The following AP2A2 variants were observed in gnomAD, a reference collection of about 807,000 sequenced individuals.
AP2A2 encodes adaptor related protein complex 2 subunit alpha 2, also known as AP-2 complex subunit alpha-2.
Under a neutral mutation model 104.2 loss-of-function variants are expected in AP2A2, and 32 were observed. That is an observed-to-expected ratio of 0.31 (90% CI 0.23 to 0.41). The LOEUF is 0.41. Among genes scored for constraint, AP2A2 ranks in the 10% least tolerant of loss-of-function variants. The pLI is 1.00. For missense variants in AP2A2, 912 were observed against 1,261.0 expected, an observed-to-expected ratio of 0.72 and a Z score of 4.19; for synonymous variants, 539 against 533.3, an observed-to-expected ratio of 1.01 and a Z score of -0.15.
At chr11:934,081 G>A (rs1853375006) in intron 1 of AP2A2, among the ~76,000 whole-genome samples, 1 of 151,930 alleles carries the variant, frequency 6.6e-6, no homozygotes, top group South Asian at 2.1e-4. Context: ...CTGAGGCCAG[G>A]GAAGTCCTGA....
intron 19 of AP2A2, 41 bp from the exon 20 acceptor site, chr11:1,009,287 C>G (rs754535367): frequency 8.1e-6 from 13 of 1,611,474 alleles, no homozygotes; most frequent in Non-Finnish European, 1.1e-5. Flanking sequence ...GTTTTGGTCT[C>G]TGGCCTGGCT....
chr11:937,138 G>A (rs1853484803), intron 1 of AP2A2, among the ~76,000 whole-genome samples: 1 of 152,056 alleles, frequency 6.6e-6, no homozygotes, highest in Admixed American at 6.6e-5. Context: ...TCCTGCCTCA[G>A]CCTCTGAAGT....
rs765834089 is a variant in AP2A2 at position 972,129 on chromosome 11, T to C, written c.347T>C (p.Ile116Thr). ...SELIRLINNA[I>T]KNDLASRNPT... ...CTGATCCGCCTGATCAACAACGCCA[T>C]CAAGAATGACCTGGCCAGCCGCAAC... Residue 116 changes from isoleucine (I) to threonine (T), a missense_variant, in exon 4 of 22, where the codon ATC becomes ACC. Transcript: ENST00000448903. 34 of 1,613,566 alleles carry C rather than the reference T, an allele frequency of 2.1e-5. No individual in the cohort carries two copies. The highest frequency in any genetic ancestry group is 2.7e-5 in the Non-Finnish European group (32 of 1,179,814).
intron 15 of AP2A2, 62 bp from the exon 16 acceptor site, chr11:1,003,660 C>T (rs1856102208): frequency 2.6e-6 from 3 of 1,163,040 alleles, no homozygotes; most frequent in Non-Finnish European, 3.6e-6. Context: ...TTTTCCAGAA[C>T]AAACCCTTGT....
intron 18 of AP2A2, 187 bp downstream of exon 18, chr11:1,008,322 C>T (rs928938331): frequency 2.3e-5 from 21 of 899,664 alleles, no homozygotes; most frequent in African/African-American, 2.1e-4. Context: ...CAAGGGGAGG[C>T]GGAGCCCTGG....
At chr11:1,009,072 CTCTT>C in intron 18 of AP2A2, 24 bp from the exon 19 acceptor site, 1 of 1,571,692 alleles carries the variant, frequency 6.4e-7, no homozygotes, top group Non-Finnish European at 8.7e-7. Flanking sequence ...AGCTGACTGT[CTCTT>C]TCTGCTGCTG....
chr11:992,720 G>A lies in AP2A2; in HGVS notation c.1452+35G>A, dbSNP rs958780890. On this transcript the variant is annotated intron_variant, in intron 11 of 21. Coordinates refer to ENST00000448903, the MANE Select transcript of AP2A2 (RefSeq NM_012305.4). This position sits in a 1 kb window ranked among gnomAD's most constrained non-coding sequence, Gnocchi z 6.4. The stretch of plus-strand genomic sequence containing the variant: ...GCAGGATGGCAGGAAGGATGGGGTG[G>A]AGGGCAGTTGCAGAAGGTGAGCAGT... 5 of 1,611,746 alleles carry A rather than the reference G, an allele frequency of 3.1e-6. 1 individual carries two copies. In the Admixed American group the frequency reaches 8.3e-5, roughly 27 times the overall value.
Position 972,103 on chromosome 11 carries a change from G to C in AP2A2, c.321G>C (p.Glu107Asp), listed in dbSNP as rs775058159. The C allele has an allele frequency of 1.2e-6, 2 of 1,613,828 alleles. No homozygotes were observed. Among genetic ancestry groups the C allele is most frequent in the Admixed American group, 1.7e-5 (1 of 59,988 alleles). Residue 107 changes from glutamate to aspartate, a missense_variant, in exon 4 of 22, where the codon GAG becomes GAC. Physicochemically the swap from Glu to Asp is conservative, Grantham distance 45. This residue lies in a region of AP2A2 where 350 missense variants were observed against 487.0 expected (regional missense o/e 0.72). Coordinates refer to ENST00000448903, the MANE Select transcript of AP2A2 (RefSeq NM_012305.4). ...CTGTGTTGGTGAACTCAAACAGTGA[G>C]CTGATCCGCCTGATCAACAACGCCA... is the stretch of plus-strand genomic sequence containing the variant. ...FISVLVNSNS[E>D]LIRLINNAIK...
At chr11:973,443 CAG>C (rs965046777) in intron 4 of AP2A2, among the ~76,000 whole-genome samples, 1 of 152,132 alleles carries the variant, frequency 6.6e-6, no homozygotes, top group Non-Finnish European at 1.5e-5. Context: ...GCCCGGCTGG[CAG>C]AGAGACCGCA....
intron 15 of AP2A2, chr11:1,001,295 T>C (rs1856023392): frequency 6.6e-6 from 1 of 152,410 alleles, no homozygotes; most frequent in Non-Finnish European, 1.5e-5. Flanking sequence ...GCTCATCAGC[T>C]GTGCATTCCG....
chr11:961,720 A>T (rs943645804), intron 2 of AP2A2, among the ~76,000 whole-genome samples: 1 of 135,666 alleles, frequency 7.4e-6, no homozygotes. Context: ...GGGCGGAAGC[A>T]GATGGAGATG....
At chr11:947,444 A>G (rs1373872060) in intron 1 of AP2A2, among the ~76,000 whole-genome samples, 1 of 152,150 alleles carries the variant, frequency 6.6e-6, no homozygotes, top group African/African-American at 2.4e-5. Context: ...TAGGAGCAAC[A>G]TTTCTCCGTA....
At chr11:959,571 T>G in intron 2 of AP2A2, 66 bp downstream of exon 2, 1 of 1,023,622 alleles carries the variant, frequency 9.8e-7, no homozygotes, top group South Asian at 1.4e-5. Flanking sequence ...GAACCCAGTC[T>G]TTTAATACTG....
At chr11:983,299 A>G (rs899480355) in intron 6 of AP2A2, among the ~76,000 whole-genome samples, 5 of 152,176 alleles carry the variant, frequency 3.3e-5, no homozygotes, top group Admixed American at 3.3e-4. Flanking sequence ...TGCTGGCATT[A>G]TAGGCATGAG....
At chr11:975,283 G>A (rs1854983299) in intron 4 of AP2A2, among the ~76,000 whole-genome samples, 1 of 151,458 alleles carries the variant, frequency 6.6e-6, no homozygotes, top group African/African-American at 2.4e-5. Context: ...TATCCCTCGT[G>A]TGAGCCGACA....
At position 971,479 on chromosome 11, in the gene AP2A2, G is replaced by C. The variant is rs1854826895; in HGVS notation, c.280-583G>C. On this transcript the variant is annotated intron_variant, in intron 3 of 21. Transcript: ENST00000448903. Reference sequence around the variant, plus strand: ...CTTTAACCGGGGTGCTCAGTGATGGGCCTGGAGAAAACCACTGTTTCCCTC... The same window carrying C: ...CTTTAACCGGGGTGCTCAGTGATGGCCCTGGAGAAAACCACTGTTTCCCTC... 1.3e-5 allele frequency among the ~76,000 whole-genome samples: 2 copies of C among 152,144 alleles called. 1 individual carries two copies. Among genetic ancestry groups the C allele is most frequent in the South Asian group, 4.1e-4 (2 of 4,828 alleles).
intron 1 of AP2A2, among the ~76,000 whole-genome samples, chr11:930,432 T>C (rs1853252412): frequency 6.6e-6 from 1 of 152,182 alleles, no homozygotes; most frequent in African/African-American, 2.4e-5. Context: ...TTGGTCAGCA[T>C]GCATTCAGTG....
chr11:998,561 C>G (rs1474526414), intron 14 of AP2A2, among the ~76,000 whole-genome samples: 2 of 152,108 alleles, frequency 1.3e-5, no homozygotes, highest in African/African-American at 4.8e-5. Flanking sequence ...GTGGAACATT[C>G]TAAAGTTACT....
At chr11:1,006,822 T>C in intron 17 of AP2A2, 1 of 566,364 alleles carries the variant, frequency 1.8e-6, no homozygotes. Flanking sequence ...GAGAGCCAGC[T>C]TTTGATCATG....
Sources: gnomAD v4.1 joint callset for allele counts (sites outside exome capture counted in the v4.1 genomes callset) on GRCh38, gnomAD v4.1.1 for gene constraint, gnomAD v4.1.1 regional missense constraint, Gnocchi (gnomAD v3.1) non-coding constraint, MANE v1.5 for transcripts, NCBI Gene and HGNC (gene_info 2026-07-23, HGNC 2026-07-21) for gene names.